The following DUSP15 variants were observed in gnomAD, a reference collection of about 807,000 sequenced individuals.
The protein encoded by DUSP15 is dual specificity phosphatase 15.
Under a neutral mutation model 26.3 loss-of-function variants are expected in DUSP15, and 23 were observed. The observed-to-expected ratio is 0.87, with a 90% CI of 0.63 to 1.24. The LOEUF is 1.24. Ranked by LOEUF, DUSP15 falls within the 50% of genes most tolerant of loss-of-function variation. The probability of loss-of-function intolerance (pLI) is 0.00; values close to 1 mark genes in which losing one functional copy is unlikely to be tolerated. For missense variants in DUSP15, 364 were observed against 320.6 expected, an observed-to-expected ratio of 1.14 and a Z score of -1.03; for synonymous variants, 143 against 135.5, an observed-to-expected ratio of 1.06 and a Z score of -0.39.
In DUSP15 at chr20:31,870,012, G is replaced by T. The variant is rs2062885870; in HGVS notation, c.21+305C>A. On this transcript the variant is annotated intron_variant, in intron 1 of 6. Transcript: ENST00000339738. The surrounding 1 kb of genome is among the most constrained non-coding windows in gnomAD (Gnocchi z 6.6). ...AGAGAGCCGAGGAGTCAGCGACAAG[G>T]GAGAGGGACACATGCAGACGGAGAG... 1 of 1,331,918 alleles carries T rather than the reference G, an allele frequency of 7.5e-7. No individual in the cohort carries two copies. Among genetic ancestry groups the T allele is most frequent in the Non-Finnish European group, 9.6e-7 (1 of 1,042,594 alleles). The allele number at this position is 1,331,918 out of a possible 1,614,324, so 82.5% of individuals were successfully genotyped here. A position where few individuals can be genotyped will look rare whatever the true frequency, so the allele number is the denominator to read the frequency against.
chr20:31,864,907 G>C, intron 4 of DUSP15, 46 bp downstream of exon 4: 1 of 1,587,918 alleles, frequency 6.3e-7, no homozygotes, highest in Non-Finnish European at 8.6e-7. Flanking sequence ...CCCCACCACA[G>C]AAGGCAGCTG....
intron 5 of DUSP15, 38 bp from the exon 6 acceptor site, chr20:31,862,780 T>A (rs756066873): frequency 6.5e-7 from 1 of 1,547,054 alleles, no homozygotes; most frequent in Non-Finnish European, 8.8e-7. Context: ...TCAAGTAAGA[T>A]CCAATGTCCT....
chr20:31,867,955 A>G (rs1001843148), intron 2 of DUSP15, among the ~76,000 whole-genome samples: 3 of 152,140 alleles, frequency 2.0e-5, no homozygotes, highest in Admixed American at 6.5e-5. Context: ...GATGCCCACA[A>G]TGTATTTTTA....
At chr20:31,845,615 C>T (rs1280935503), downstream of DUSP15, 2 of 1,553,282 alleles carry the variant, frequency 1.3e-6, no homozygotes, top group African/African-American at 2.7e-5. Flanking sequence ...CCGGAATAGC[C>T]TGCCCAGGCT....
At position 31,869,614 on chromosome 20, in the gene DUSP15, C is replaced by A. The variant is rs751916415; in HGVS notation, c.22-17G>T. 6.2e-7 allele frequency: 1 copy of A among 1,613,542 alleles called. No individual in the cohort carries two copies. Among genetic ancestry groups the A allele is most frequent in the Non-Finnish European group, 8.5e-7 (1 of 1,179,796 alleles). On this transcript the variant is annotated splice_polypyrimidine_tract_variant and intron_variant, in intron 1 of 6. Coordinates refer to ENST00000339738, the MANE Select transcript of DUSP15 (RefSeq NM_080611.5). The stretch of plus-strand genomic sequence containing the variant: ...AGGAAGTACCTAGAGGAAGGACAGG[C>A]AAGGGTCAGTGGGGCAGGGGCTGCA...
chr20:31,862,361 G>C (rs543590401), intron 6 of DUSP15, among the ~76,000 whole-genome samples: 3 of 152,280 alleles, frequency 2.0e-5, no homozygotes, highest in Admixed American at 6.5e-5. Flanking sequence ...CTGATCTAAA[G>C]GCATTCAAAT....
In DUSP15 at chr20:31,867,088, G is replaced by A; in HGVS notation, c.121C>T (p.Pro41Ser). 1 of 1,587,936 alleles carries A rather than the reference G, an allele frequency of 6.3e-7. No individual in the cohort carries two copies. Among genetic ancestry groups the A allele is most frequent in the Non-Finnish European group, 8.6e-7 (1 of 1,166,412 alleles). Residue 41 changes from proline (P) to serine (S), a missense_variant, in exon 3 of 7, where the codon CCC becomes TCC. Coordinates refer to ENST00000339738, the MANE Select transcript of DUSP15 (RefSeq NM_080611.5). ...ITHIISIHES[P>S]QPLLQDITYL... is the part of the protein sequence containing the mutation. ...AGAAGTACCTGCAGCAGAGGCTGGG[G>A]TGACTCATGGATAGAGATGATGTGT...
At chr20:31,865,032 G>A in intron 3 of DUSP15, 30 bp from the exon 4 acceptor site, 1 of 1,612,848 alleles carries the variant, frequency 6.2e-7, no homozygotes, top group Non-Finnish European at 8.5e-7. Flanking sequence ...TCAGGCAGGG[G>A]ACCTTGCCTG....
chr20:31,861,742 C>T, intron 6 of DUSP15, 67 bp from the exon 7 acceptor site: 2 of 1,246,032 alleles, frequency 1.6e-6, no homozygotes, highest in Non-Finnish European at 2.1e-6. Context: ...CAGCCGGCCC[C>T]GCCCCCACCC....
downstream of DUSP15, chr20:31,847,519 T>C (rs969363090): frequency 1.3e-5 from 2 of 151,966 alleles, no homozygotes; most frequent in South Asian, 2.1e-4. Context: ...ATCACAGTTT[T>C]CCCCCCATGA....
exon 10 of DUSP15, chr20:31,848,542 C>A (rs753355585): frequency 1.3e-6 from 2 of 1,583,666 alleles, no homozygotes; most frequent in Admixed American, 3.8e-5. Flanking sequence ...AGGACGAGCT[C>A]CCAGGCCGAA....
chr20:31,864,822 G>T lies in DUSP15; in HGVS notation c.188+131C>A. On this transcript the variant is annotated intron_variant, in intron 4 of 6. Coordinates refer to ENST00000339738, the MANE Select transcript of DUSP15 (RefSeq NM_080611.5). ...CATGGTTGAGACAGAGTCAAACCTG[G>T]GACTGGTTGAGTTGAACACCTGTGA... 1.8e-5 allele frequency: 17 copies of T among 952,744 alleles called. No individual in the cohort carries two copies. In the South Asian group the frequency reaches 2.6e-4, roughly 14 times the overall value. 59.0% of individuals were successfully genotyped at this position (952,744 alleles called of 1,614,324 possible). A position where few individuals can be genotyped will look rare whatever the true frequency, so the allele number is the denominator to read the frequency against.
At chr20:31,853,686 C>T (rs1009169615) in intron 6 of DUSP15, among the ~76,000 whole-genome samples, 9 of 151,320 alleles carry the variant, frequency 5.9e-5, no homozygotes, top group Admixed American at 2.6e-4. Flanking sequence ...ACTGCAACCT[C>T]GACCTCCTGG....
chr20:31,845,682 C>G, downstream of DUSP15: 1 of 1,015,698 alleles, frequency 9.8e-7, no homozygotes, highest in Non-Finnish European at 1.4e-6. Flanking sequence ...AGGGGTGGGT[C>G]TGCTGAGCCA....
Position 31,864,986 on chromosome 20 carries a change from C to T in DUSP15, c.155G>A (p.Arg52His). 1 of 1,613,988 alleles carries T rather than the reference C, an allele frequency of 6.2e-7. No homozygotes were observed. The highest frequency in any genetic ancestry group is 1.1e-5 in the South Asian group (1 of 91,052). Residue 52 changes from arginine to histidine, a missense_variant, in exon 4 of 7, where the codon CGC (arginine) becomes CAC (histidine). By Grantham distance (29) the Arg-to-His change is conservative (BLOSUM62 0). Transcript: ENST00000339738. Reference sequence around the variant, plus strand: ...CTCAGGGGTATCAGCGACCGGGATGCGAAGGTAGGTGATATCCTGCAAGTA... The same window carrying T: ...CTCAGGGGTATCAGCGACCGGGATGTGAAGGTAGGTGATATCCTGCAAGTA... ...QPLLQDITYL[R>H]IPVADTPEVP... is the part of the protein sequence containing the mutation.
chr20:31,865,031 G>A (rs762961805), intron 3 of DUSP15, 29 bp from the exon 4 acceptor site: 1 of 1,613,842 alleles, frequency 6.2e-7, no homozygotes, highest in South Asian at 1.1e-5. Flanking sequence ...CTCAGGCAGG[G>A]GACCTTGCCT....
At chr20:31,852,392 G>A (rs1343804990) in intron 6 of DUSP15, among the ~76,000 whole-genome samples, 1 of 152,208 alleles carries the variant, frequency 6.6e-6, no homozygotes, top group Admixed American at 6.5e-5. Context: ...AGCTCAATGA[G>A]TCCACCACCC....
chr20:31,860,921 C>G (rs1278625243), downstream of DUSP15: 1 of 918,450 alleles, frequency 1.1e-6, no homozygotes, highest in African/African-American at 1.8e-5. Context: ...ACTGCAGTTG[C>G]GGGAGGGTGG....
rs925348914 is a variant in DUSP15, at chr20:31,870,265, C to A, written c.21+52G>T. 6.5e-6 allele frequency: 8 copies of A among 1,225,840 alleles called. No individual in the cohort carries two copies. Among genetic ancestry groups the A allele is most frequent in the African/African-American group, 1.6e-5 (1 of 64,010 alleles). 75.9% of individuals were successfully genotyped at this position (1,225,840 alleles called of 1,614,324 possible). A position where few individuals can be genotyped will look rare whatever the true frequency, so the allele number is the denominator to read the frequency against. ...GCGGACCGAGCTGGTCAGCGCCGGG[C>A]CGCGGCGGCCGGGGCGGGGACCGGG... On this transcript the variant is annotated intron_variant, in intron 1 of 6. Coordinates refer to ENST00000339738, the MANE Select transcript of DUSP15 (RefSeq NM_080611.5). This position sits in a 1 kb window ranked among gnomAD's most constrained non-coding sequence, Gnocchi z 6.6.
Sources: allele counts gnomAD v4.1 joint callset (sites outside exome capture counted in the v4.1 genomes callset), GRCh38; gene constraint gnomAD v4.1.1; non-coding constraint Gnocchi (gnomAD v3.1); transcripts MANE v1.5; gene names NCBI Gene and HGNC (gene_info 2026-07-23, HGNC 2026-07-21).